Variants in FIBCD1 observed in about 807,000 individuals in gnomAD.
The protein encoded by FIBCD1 is fibrinogen C domain-containing protein 1.
Under a neutral mutation model 45.1 loss-of-function variants are expected in FIBCD1, and 47 were observed. The observed-to-expected ratio is 1.04, with a 90% CI of 0.82 to 1.33. FIBCD1 has a LOEUF of 1.33. Ranked by LOEUF, FIBCD1 falls within the 40% of genes most tolerant of loss-of-function variation. The pLI, the probability that FIBCD1 is intolerant of heterozygous loss-of-function variation, is 0.00. For missense variants in FIBCD1, 653 were observed against 682.2 expected, an observed-to-expected ratio of 0.96 and a Z score of 0.48; for synonymous variants, 313 against 308.1, an observed-to-expected ratio of 1.02 and a Z score of -0.17.
At chr9:130,915,573 G>A (rs1007512795) in intron 4 of FIBCD1, among the ~76,000 whole-genome samples, 1 of 152,148 alleles carries the variant, frequency 6.6e-6, no homozygotes, top group Admixed American at 6.5e-5. Flanking sequence ...CATAGTGGCA[G>A]GTGCCTGTAG....
At chr9:130,916,554 G>T (rs561925602) in intron 4 of FIBCD1, among the ~76,000 whole-genome samples, 2 of 152,256 alleles carry the variant, frequency 1.3e-5, no homozygotes, top group African/African-American at 2.4e-5. Context: ...CCCGTGTGGG[G>T]GAATGTTTAG....
At position 130,911,895 on chromosome 9, in the gene FIBCD1, A is replaced by C. The variant is rs754584372; in HGVS notation, c.850-7T>G. 6.4e-7 allele frequency: 1 copy of C among 1,566,928 alleles called. No homozygotes were observed. Among genetic ancestry groups the C allele is most frequent in the African/African-American group, 1.4e-5 (1 of 73,346 alleles). On this transcript the variant is annotated splice_region_variant and splice_polypyrimidine_tract_variant and intron_variant, in intron 4 of 6. Transcript: ENST00000372338. ...CCTCCCGGCGCTGAAACACCTGCAA[A>C]GGGAAGATGGGGATGGGGCGTTGGC...
intron 4 of FIBCD1, among the ~76,000 whole-genome samples, chr9:130,912,911 C>T (rs1832088167): frequency 6.6e-6 from 1 of 152,130 alleles, no homozygotes; most frequent in African/African-American, 2.4e-5. Context: ...CAGGCTTGGC[C>T]TCCAGAGCCC....
chr9:130,933,059 C>G (rs1031062412), intron 1 of FIBCD1, among the ~76,000 whole-genome samples: 12 of 152,218 alleles, frequency 7.9e-5, no homozygotes, highest in African/African-American at 2.7e-4. Flanking sequence ...AAGCCCCTCC[C>G]TGGTGGGAAG....
intron 4 of FIBCD1, among the ~76,000 whole-genome samples, chr9:130,917,256 C>T (rs1209734286): frequency 6.6e-6 from 1 of 152,234 alleles, no homozygotes; most frequent in Non-Finnish European, 1.5e-5. Flanking sequence ...TCGCCGCAGC[C>T]GCAGCCTCTT....
At chr9:130,930,435 T>TGGGGAGACGC (rs199580520) in intron 1 of FIBCD1, among the ~76,000 whole-genome samples, 63,130 of 142,912 alleles carry the variant, frequency 0.44, 14,606 homozygotes, top group Non-Finnish European at 0.55. Flanking sequence ...CGGGGAGACA[T>TGGGGAGACGC]GGGGAGATGC....
At chr9:130,921,366 G>A (rs899356180) in intron 4 of FIBCD1, among the ~76,000 whole-genome samples, 24 of 152,256 alleles carry the variant, frequency 1.6e-4, no homozygotes, top group Non-Finnish European at 2.4e-4. Context: ...TGTGGCGGGG[G>A]GTGATCCTGA....
chr9:130,920,498 C>A (rs563461323), intron 4 of FIBCD1, among the ~76,000 whole-genome samples: 1 of 152,248 alleles, frequency 6.6e-6, no homozygotes, highest in Non-Finnish European at 1.5e-5. Context: ...CAAAGGGTGC[C>A]AACAGCCATC....
At chr9:130,937,336 C>A in intron 1 of FIBCD1, among the ~76,000 whole-genome samples, 1 of 152,174 alleles carries the variant, frequency 6.6e-6, no homozygotes, top group East Asian at 1.9e-4. Flanking sequence ...CTCTTGCCAA[C>A]GTGCTGTGTG....
In FIBCD1 at chr9:130,905,384, G is replaced by A. The variant is rs770426703; in HGVS notation, c.976C>T (p.Gln326Ter). Residue 326 changes from glutamine (Q) to a stop codon, truncating the protein, a stop_gained, in exon 6 of 7, where the codon CAG (glutamine) becomes TAG (stop). Transcript: ENST00000372338. LOFTEE classifies it high-confidence loss of function. Reference protein sequence around the residue: ...GLKRIHALTTQAAYELHVDLE... With the variant: ...GLKRIHALTT ...TCCACGTGCAGCTCGTAGGCAGCCTGTGTGGTCAGGGCGTGGATCCTCTTG... is the reference window on the plus strand; with the variant it reads ...TCCACGTGCAGCTCGTAGGCAGCCTATGTGGTCAGGGCGTGGATCCTCTTG... 2.5e-6 allele frequency: 4 copies of A among 1,613,970 alleles called. No individual in the cohort carries two copies. Among genetic ancestry groups the A allele is most frequent in the Non-Finnish European group, 3.4e-6 (4 of 1,179,940 alleles).
At chr9:130,930,223 C>G in intron 1 of FIBCD1, among the ~76,000 whole-genome samples, 177 bp from the exon 2 acceptor site, 1 of 152,132 alleles carries the variant, frequency 6.6e-6, no homozygotes, top group Non-Finnish European at 1.5e-5. Context: ...GACAGAGAGA[C>G]AGGGACAGCC....
intron 1 of FIBCD1, chr9:130,930,896 C>T (rs1347358324): frequency 6.8e-6 from 3 of 443,854 alleles, no homozygotes; most frequent in Non-Finnish European, 1.4e-5. Context: ...CTCGTGCTGT[C>T]TCTGGGAACG....
At chr9:130,905,056 C>T in intron 6 of FIBCD1, among the ~76,000 whole-genome samples, 178 bp downstream of exon 6, 1 of 152,128 alleles carries the variant, frequency 6.6e-6, no homozygotes, top group East Asian at 1.9e-4. Context: ...GGTTTCAGGC[C>T]TCTGATTGTG....
At chr9:130,939,580 G>T (rs934252620), upstream of FIBCD1, among the ~76,000 whole-genome samples, 1 of 151,994 alleles carries the variant, frequency 6.6e-6, no homozygotes, top group African/African-American at 2.4e-5. Flanking sequence ...CGGCCCGTGG[G>T]CGAAATGGGG....
intron 1 of FIBCD1, among the ~76,000 whole-genome samples, chr9:130,936,572 G>T (rs577041552): frequency 6.6e-6 from 1 of 152,248 alleles, no homozygotes; most frequent in Non-Finnish European, 1.5e-5. Flanking sequence ...AGAGGAAGGC[G>T]GGGCCCGGCC....
chr9:130,934,012 G>A (rs1404083299), intron 1 of FIBCD1: 3 of 152,344 alleles, frequency 2.0e-5, no homozygotes, highest in Non-Finnish European at 4.4e-5. Flanking sequence ...CACATCCTGG[G>A]GCTTTGCACT....
chr9:130,935,427 G>A (rs957202552), intron 1 of FIBCD1, among the ~76,000 whole-genome samples: 2 of 152,194 alleles, frequency 1.3e-5, no homozygotes, highest in African/African-American at 4.8e-5. Flanking sequence ...AAGGGCGTGA[G>A]AGGCTCCTCC....
chr9:130,930,429 G>T (rs1479212262), intron 1 of FIBCD1, among the ~76,000 whole-genome samples: 1 of 150,860 alleles, frequency 6.6e-6, no homozygotes, highest in Admixed American at 6.6e-5. Context: ...GAGACACGGG[G>T]AGACATGGGG....
intron 2 of FIBCD1, among the ~76,000 whole-genome samples, chr9:130,925,290 G>T (rs1170683467): frequency 6.6e-6 from 1 of 152,188 alleles, no homozygotes; most frequent in African/African-American, 2.4e-5. Flanking sequence ...GAGAGCGAAG[G>T]ATGGCACTGG....
Sources: gnomAD v4.1 joint callset for allele counts (sites outside exome capture counted in the v4.1 genomes callset) on GRCh38, gnomAD v4.1.1 for gene constraint, MANE v1.5 for transcripts, NCBI Gene and HGNC (gene_info 2026-07-23, HGNC 2026-07-21) for gene names.